The following TBXAS1 variants were observed in gnomAD, a reference collection of about 807,000 sequenced individuals.
The protein encoded by TBXAS1 is thromboxane A synthase 1.
A neutral mutation model predicts 60.7 loss-of-function variants in TBXAS1; 48 were observed. The observed-to-expected ratio is 0.79, with a 90% CI of 0.63 to 1.01. The LOEUF (loss-of-function observed/expected upper bound fraction) is 1.01. Ranked by LOEUF, TBXAS1 falls within the 50% of genes least tolerant of loss-of-function variation. TBXAS1 has a pLI of 0.00. For missense variants in TBXAS1, 685 were observed against 686.3 expected (o/e 1.00, Z 0.02); for synonymous variants, 287 against 269.7 (o/e 1.06, Z -0.63).
chr7:139,839,499 G>A (rs545267292), intron 1 of TBXAS1, among the ~76,000 whole-genome samples: 2 of 152,122 alleles, frequency 1.3e-5, no homozygotes, highest in African/African-American at 4.8e-5. Flanking sequence ...TGCTCTTAAA[G>A]CTCAGGTACC....
At chr7:139,813,248 C>T (rs1181519342) in intron 4 of TBXAS1, among the ~76,000 whole-genome samples, 1 of 152,174 alleles carries the variant, frequency 6.6e-6, no homozygotes, top group African/African-American at 2.4e-5. Context: ...CTGGACCTTT[C>T]GTATTCGGCC....
At chr7:139,817,552 G>A (rs989384006) in intron 4 of TBXAS1, among the ~76,000 whole-genome samples, 8 of 152,144 alleles carry the variant, frequency 5.3e-5, no homozygotes, top group Admixed American at 1.3e-4. Flanking sequence ...CCATAAACCC[G>A]GAACAGGTAC....
At chr7:139,868,414 G>C (rs963781004) in intron 1 of TBXAS1, among the ~76,000 whole-genome samples, 1 of 152,032 alleles carries the variant, frequency 6.6e-6, no homozygotes, top group Non-Finnish European at 1.5e-5. Context: ...ACTTAACCTA[G>C]GGCTGCCATA....
At chr7:139,810,553 A>C (rs1797998876) in intron 4 of TBXAS1, among the ~76,000 whole-genome samples, 1 of 152,228 alleles carries the variant, frequency 6.6e-6, no homozygotes, top group South Asian at 2.1e-4. Context: ...TTGTCATTTT[A>C]ATGACACAGA....
chr7:139,947,420 G>T (rs538147084), intron 5 of TBXAS1, among the ~76,000 whole-genome samples: 2 of 152,122 alleles, frequency 1.3e-5, no homozygotes, highest in East Asian at 1.9e-4. Flanking sequence ...GTTGGGGGAG[G>T]GGGGAGGAAG....
chr7:139,837,432 G>A (rs2116540828), intron 1 of TBXAS1, among the ~76,000 whole-genome samples: 1 of 152,302 alleles, frequency 6.6e-6, no homozygotes, highest in Admixed American at 6.5e-5. Context: ...CAATCAACAA[G>A]TGGATAAAGA....
intron 4 of TBXAS1, among the ~76,000 whole-genome samples, chr7:139,787,626 G>A (rs577244799): frequency 6.6e-6 from 1 of 152,196 alleles, no homozygotes; most frequent in African/African-American, 2.4e-5. Context: ...GCAACGACTG[G>A]GATGGCCAAG....
chr7:140,010,736 CCTGT>C (rs1299715543), intron 10 of TBXAS1, among the ~76,000 whole-genome samples: 1 of 152,254 alleles, frequency 6.6e-6, no homozygotes, highest in African/African-American at 2.4e-5. Context: ...TTTTTCTGTT[CCTGT>C]CTGTTACATG....
chr7:139,941,790 G>A (rs2107901), intron 5 of TBXAS1, among the ~76,000 whole-genome samples: 96,817 of 152,114 alleles, frequency 0.64, 31,107 homozygotes, highest in East Asian at 0.74. Context: ...CTGGGATTGT[G>A]TAAAACTTTA....
chr7:139,936,065 A>G, intron 4 of TBXAS1, 126 bp from the exon 5 acceptor site: 2 of 862,490 alleles, frequency 2.3e-6, no homozygotes, highest in Non-Finnish European at 4.0e-6. Flanking sequence ...TCTCCTTGCA[A>G]GAGAAACCTC....
chr7:139,843,262 C>T (rs939444114), intron 1 of TBXAS1, among the ~76,000 whole-genome samples: 21 of 152,160 alleles, frequency 1.4e-4, no homozygotes, highest in African/African-American at 5.1e-4. Flanking sequence ...CTCAACCAGC[C>T]CTGCCTCCTG....
chr7:139,788,434 T>C (rs1318829936), intron 4 of TBXAS1, among the ~76,000 whole-genome samples: 1 of 152,260 alleles, frequency 6.6e-6, no homozygotes, highest in East Asian at 1.9e-4. Context: ...ACTGATACAT[T>C]TCAAGTGTCT....
At chr7:139,788,734 A>G (rs1027875481) in intron 4 of TBXAS1, among the ~76,000 whole-genome samples, 2 of 152,244 alleles carry the variant, frequency 1.3e-5, no homozygotes, top group Admixed American at 6.5e-5. Context: ...TGGGAATGAA[A>G]AATGCACATG....
chr7:139,828,140 C>T (rs1483418940), upstream of TBXAS1, among the ~76,000 whole-genome samples: 1 of 152,112 alleles, frequency 6.6e-6, no homozygotes, highest in African/African-American at 2.4e-5. Context: ...GGTCATTTAA[C>T]ATAATCCCAG....
chr7:139,907,828 AGTAGT>A (rs1206204581), intron 3 of TBXAS1, among the ~76,000 whole-genome samples: 5 of 152,140 alleles, frequency 3.3e-5, no homozygotes, highest in African/African-American at 1.2e-4. Context: ...TAAAATTATT[AGTAGT>A]TTTGTGGTTG....
intron 3 of TBXAS1, among the ~76,000 whole-genome samples, chr7:139,882,166 G>A (rs945374674): frequency 6.6e-6 from 1 of 152,202 alleles, no homozygotes; most frequent in Non-Finnish European, 1.5e-5. Context: ...CTGGCAGATG[G>A]CTATGTGAGA....
intron 9 of TBXAS1, among the ~76,000 whole-genome samples, chr7:139,966,787 T>C (rs1232844950): frequency 6.6e-6 from 1 of 152,204 alleles, no homozygotes; most frequent in Non-Finnish European, 1.5e-5. Flanking sequence ...TCAGTGCCCT[T>C]CTGTTCTCTT....
At chr7:139,880,495 C>T (rs1017660520) in intron 3 of TBXAS1, among the ~76,000 whole-genome samples, 1 of 152,132 alleles carries the variant, frequency 6.6e-6, no homozygotes, top group Non-Finnish European at 1.5e-5. Flanking sequence ...GAAAAAAGTA[C>T]ACTTGCTCCC....
intron 3 of TBXAS1, among the ~76,000 whole-genome samples, chr7:139,786,617 C>A (rs910794668): frequency 3.9e-5 from 6 of 152,070 alleles, no homozygotes; most frequent in Non-Finnish European, 8.8e-5. Context: ...ACGTGGTTGC[C>A]TGCTGCCTAT....
Sources: gnomAD v4.1 joint callset for allele counts (sites outside exome capture counted in the v4.1 genomes callset) on GRCh38, gnomAD v4.1.1 for gene constraint, MANE v1.5 for transcripts, NCBI Gene and HGNC (gene_info 2026-07-23, HGNC 2026-07-21) for gene names.